The following TRAPPC10 variants were observed in gnomAD, a reference collection of about 807,000 sequenced individuals.
The protein encoded by TRAPPC10 is TRAPP 130 kDa subunit.
TRAPPC10 carries 23 observed loss-of-function variants against 125.5 expected under a neutral mutation model. That is an observed-to-expected ratio of 0.18 (90% CI 0.13 to 0.26). The LOEUF is 0.26. TRAPPC10 is among the 10% of genes least tolerant of loss of function. The pLI, the probability that TRAPPC10 is intolerant of heterozygous loss-of-function variation, is 1.00. For missense variants in TRAPPC10, 1,123 were observed against 1,308.4 expected (o/e 0.86, Z 2.19); for synonymous variants, 509 against 518.0 (o/e 0.98, Z 0.24).
At position 44,012,402 on chromosome 21, in the gene TRAPPC10, G is replaced by T; in HGVS notation, c.-92G>T. On this transcript the variant is annotated 5_prime_UTR_variant, in exon 1 of 23. Transcript: ENST00000291574. ...GCTGCCTGGCGCGGCCGGGCGGGCGGCGCCGCTCAGGCTCGGGCTCCGGCT... is the reference window on the plus strand; with the variant it reads ...GCTGCCTGGCGCGGCCGGGCGGGCGTCGCCGCTCAGGCTCGGGCTCCGGCT... The T allele has an allele frequency of 1.3e-6, 1 of 783,004 alleles. No individual in the cohort carries two copies. Among genetic ancestry groups the T allele is most frequent in the Non-Finnish European group, 1.6e-6 (1 of 640,276 alleles). The allele number at this position is 783,004 out of a possible 1,614,324, so 48.5% of individuals were successfully genotyped here. A position where few individuals can be genotyped will look rare whatever the true frequency, so the allele number is the denominator to read the frequency against.
chr21:44,044,151 T>C (rs2034607487), intron 3 of TRAPPC10, among the ~76,000 whole-genome samples: 1 of 152,256 alleles, frequency 6.6e-6, no homozygotes, highest in African/African-American at 2.4e-5. Flanking sequence ...AGAATTTTAA[T>C]CATGAGTCTT....
At chr21:44,060,515 C>T (rs1012524533) in intron 6 of TRAPPC10, among the ~76,000 whole-genome samples, 2 of 152,102 alleles carry the variant, frequency 1.3e-5, no homozygotes, top group African/African-American at 2.4e-5. Context: ...CTCCTGACCT[C>T]GTGATCCGCC....
intron 2 of TRAPPC10, among the ~76,000 whole-genome samples, chr21:44,032,398 T>TTTTG (rs1476939500): frequency 6.7e-6 from 1 of 150,174 alleles, no homozygotes; most frequent in East Asian, 1.9e-4. Context: ...TTTTTTTTTT[T>TTTTG]TTGAGACAGA....
intron 2 of TRAPPC10, among the ~76,000 whole-genome samples, chr21:44,033,028 ACATACT>A (rs1489209571): frequency 6.6e-6 from 1 of 152,248 alleles, no homozygotes; most frequent in Admixed American, 6.5e-5. Flanking sequence ...TCGTCTGGTG[ACATACT>A]CATAGGAAAT....
chr21:44,029,346 G>A (rs1207352123), intron 1 of TRAPPC10, among the ~76,000 whole-genome samples: 2 of 152,168 alleles, frequency 1.3e-5, no homozygotes, highest in East Asian at 1.9e-4. Context: ...CACCCACCTC[G>A]GCCTCCCAAT....
intron 17 of TRAPPC10, chr21:44,089,476 A>G (rs1057061163): frequency 4.4e-6 from 2 of 452,274 alleles, no homozygotes; most frequent in African/African-American, 4.0e-5. Flanking sequence ...CACTTTGTCA[A>G]AACCCTGTGC....
chr21:44,046,921 C>T lies in TRAPPC10; in HGVS notation c.286-5359C>T, dbSNP rs187533795. On this transcript the variant is annotated intron_variant, in intron 3 of 22. Coordinates refer to ENST00000291574, the MANE Select transcript of TRAPPC10 (RefSeq NM_003274.5). ...TCGCGCCCACACGTCCATGACTGGC[C>T]GTCCTACATTTCAGGTGTCGATGAA... 5.5e-4 allele frequency: 463 copies of T among 843,716 alleles called. 5 individuals carry two copies. The highest frequency in any genetic ancestry group is 4.5e-3 in the South Asian group (338 of 75,572). The allele number at this position is 843,716 out of a possible 1,614,324, so 52.3% of individuals were successfully genotyped here.
At chr21:44,045,513 T>G (rs1302399700) in intron 3 of TRAPPC10, among the ~76,000 whole-genome samples, 1 of 152,164 alleles carries the variant, frequency 6.6e-6, no homozygotes, top group Non-Finnish European at 1.5e-5. Context: ...TGTTATTTTG[T>G]ACAAAAGTGG....
At chr21:44,046,987 A>T in intron 3 of TRAPPC10, 1 of 809,088 alleles carries the variant, frequency 1.2e-6, no homozygotes, top group South Asian at 1.4e-5. Flanking sequence ...TGCGAGCGGG[A>T]AACCGCCTTT....
At chr21:44,092,696 G>A (rs557940912) in intron 19 of TRAPPC10, among the ~76,000 whole-genome samples, 15 of 152,232 alleles carry the variant, frequency 9.9e-5, no homozygotes, top group African/African-American at 3.6e-4. Context: ...TGTAATAGCG[G>A]TGTTCAGCCC....
intron 6 of TRAPPC10, chr21:44,062,816 C>T (rs2036157996): frequency 2.0e-5 from 20 of 985,194 alleles, no homozygotes; most frequent in East Asian, 1.1e-4. Context: ...CAGGATGCCA[C>T]GTAGGAATGA....
Position 44,063,778 on chromosome 21 carries a change from T to C in TRAPPC10, c.1031T>C (p.Leu344Pro). 6.2e-7 allele frequency: 1 copy of C among 1,611,556 alleles called. No homozygotes were observed. Among genetic ancestry groups the C allele is most frequent in the African/African-American group, 1.3e-5 (1 of 74,916 alleles). ...CACAACTGCGTGCAGGAACTGAAGC[T>C]CTTAGAAGTGAGTCGGCTGTTTTCC... ...LLHNCVQELK[L>P]LEVSVPPGAL... The change falls in exon 7 of 23, where the codon CTC (leucine) becomes CCC (proline). Residue 344 changes from leucine to proline, a missense_variant. Physicochemically the swap from Leu to Pro is moderately conservative, Grantham distance 98 (BLOSUM62 -3). Transcript: ENST00000291574. This position sits in a 1 kb window ranked among gnomAD's most constrained non-coding sequence, Gnocchi z 4.4.
intron 7 of TRAPPC10, among the ~76,000 whole-genome samples, chr21:44,070,854 T>A (rs1241798439): frequency 6.6e-6 from 1 of 152,218 alleles, no homozygotes; most frequent in Non-Finnish European, 1.5e-5. Flanking sequence ...CTGCCTGTGT[T>A]CTGCTGTGAG....
At chr21:44,021,481 TAGAC>T (rs1481662468) in intron 1 of TRAPPC10, among the ~76,000 whole-genome samples, 3 of 152,190 alleles carry the variant, frequency 2.0e-5, no homozygotes, top group African/African-American at 7.2e-5. Context: ...TGTATCAAAG[TAGAC>T]AGAATATTAT....
At chr21:44,073,643 A>G (rs1228954667) in intron 7 of TRAPPC10, among the ~76,000 whole-genome samples, 1 of 152,192 alleles carries the variant, frequency 6.6e-6, no homozygotes, top group East Asian at 1.9e-4. Context: ...GCCAGCCTCT[A>G]CTTCATCTGC....
intron 1 of TRAPPC10, among the ~76,000 whole-genome samples, chr21:44,022,633 C>T (rs2032647145): frequency 6.6e-6 from 1 of 151,736 alleles, no homozygotes; most frequent in Non-Finnish European, 1.5e-5. Flanking sequence ...TTCTTAATAC[C>T]AAATATTCAG....
At position 44,059,342 on chromosome 21, in the gene TRAPPC10, A is replaced by G. The variant is rs964788365; in HGVS notation, c.790+128A>G. The G allele has an allele frequency of 8.7e-6, 6 of 692,086 alleles. No individual in the cohort carries two copies. The highest frequency in any genetic ancestry group is 1.6e-5 in the Non-Finnish European group (6 of 386,080). 42.9% of individuals were successfully genotyped at this position (692,086 alleles called of 1,614,324 possible). The stretch of plus-strand genomic sequence containing the variant: ...TTTTGTTGTTGTCTTTATACACATT[A>G]TATCGGATATATTCTCGTGATTCCT... On this transcript the variant is annotated intron_variant, in intron 6 of 22. Transcript: ENST00000291574. This position sits in a 1 kb window ranked among gnomAD's most constrained non-coding sequence, Gnocchi z 4.4.
At chr21:44,054,571 A>G (rs2145851104) in intron 4 of TRAPPC10, among the ~76,000 whole-genome samples, 1 of 152,330 alleles carries the variant, frequency 6.6e-6, no homozygotes, top group African/African-American at 2.4e-5. Context: ...TACTATTACC[A>G]AGGCTAAAGA....
At chr21:44,012,638 A>G in intron 1 of TRAPPC10, 78 bp downstream of exon 1, 1 of 1,315,982 alleles carries the variant, frequency 7.6e-7, no homozygotes, top group Non-Finnish European at 1.0e-6. Context: ...CGGCGCCCCC[A>G]GACCTTCAGC....
Sources: gnomAD v4.1 joint callset for allele counts (sites outside exome capture counted in the v4.1 genomes callset) on GRCh38, gnomAD v4.1.1 for gene constraint, Gnocchi (gnomAD v3.1) non-coding constraint, MANE v1.5 for transcripts, NCBI Gene and HGNC (gene_info 2026-07-23, HGNC 2026-07-21) for gene names.